CABLES1: variants seen among roughly 807,000 people sequenced by gnomAD.
The protein encoded by CABLES1 is Cdk5 and Abl enzyme substrate 1, also known as CDK5 and ABL1 enzyme substrate 1.
A neutral mutation model predicts 57.8 loss-of-function variants in CABLES1; 36 were observed. The ratio of observed to expected loss-of-function variants is 0.62; its 90% CI spans 0.48 to 0.82. The LOEUF is 0.82. Ranked by LOEUF, CABLES1 falls within the 40% of genes least tolerant of loss-of-function variation. The pLI, the probability that CABLES1 is intolerant of heterozygous loss-of-function variation, is 0.00. For missense variants in CABLES1, 767 were observed against 836.6 expected (o/e 0.92, Z 1.03); for synonymous variants, 374 against 363.0 (o/e 1.03, Z -0.35).
rs79444009 is a variant in CABLES1, at chr18:23,187,361, A to G, written c.846-1477A>G. Among the ~76,000 whole-genome samples, 1,285 of 152,302 alleles carry G rather than the reference A, an allele frequency of 8.4e-3. 10 individuals carry two copies. Among genetic ancestry groups the G allele is most frequent in the Middle Eastern group, 0.024 (7 of 294 alleles). ...AGAGTGTTCTATGTTCTGCTGTTTT[A>G]CAGTTGGAGAAGAGACAAGGAGGCT... On this transcript the variant is annotated intron_variant, in intron 1 of 9. Coordinates refer to ENST00000256925, the MANE Select transcript of CABLES1 (RefSeq NM_001100619.3).
intron 4 of CABLES1, among the ~76,000 whole-genome samples, chr18:23,232,336 G>A (rs1190157538): frequency 6.6e-6 from 1 of 152,232 alleles, no homozygotes; most frequent in Non-Finnish European, 1.5e-5. Flanking sequence ...CTTTGGAAAA[G>A]TAGGAAGCCC....
intron 1 of CABLES1, among the ~76,000 whole-genome samples, chr18:23,142,819 G>A (rs1198977226): frequency 1.3e-5 from 2 of 152,178 alleles, no homozygotes; most frequent in African/African-American, 4.8e-5. Context: ...GGGGAGGGGT[G>A]CAGGGACGTT....
intron 1 of CABLES1, among the ~76,000 whole-genome samples, chr18:23,181,604 A>G (rs1240703150): frequency 6.7e-6 from 1 of 150,142 alleles, no homozygotes; most frequent in Non-Finnish European, 1.5e-5. Context: ...GGAAAAGTCC[A>G]GGAATACCCA....
intron 7 of CABLES1, 91 bp from the exon 8 acceptor site, chr18:23,252,869 T>G: frequency 1.3e-6 from 1 of 796,342 alleles, no homozygotes; most frequent in Non-Finnish European, 2.1e-6. Context: ...GCTCATGGCT[T>G]TGGGAGTTGT....
At chr18:23,241,781 A>AT (rs2145097613) in intron 7 of CABLES1, among the ~76,000 whole-genome samples, 1 of 152,324 alleles carries the variant, frequency 6.6e-6, no homozygotes, top group Non-Finnish European at 1.5e-5. Context: ...TAAGTGTAAT[A>AT]TAAAAAGGCC....
chr18:23,186,763 A>G (rs1292537883), intron 1 of CABLES1, among the ~76,000 whole-genome samples: 1 of 152,094 alleles, frequency 6.6e-6, no homozygotes, highest in Non-Finnish European at 1.5e-5. Flanking sequence ...TTTGGACCCC[A>G]GGATTGCAAT....
chr18:23,244,220 G>C lies in CABLES1; in HGVS notation c.1446+6975G>C, dbSNP rs187625287. ...CAAGTGGATGGAGACACTACTCCAG[G>C]AGTCCTGTAGCACCAGATAAATAGT... is the stretch of plus-strand genomic sequence containing the variant. On this transcript the variant is annotated intron_variant, in intron 7 of 9. Coordinates refer to ENST00000256925, the MANE Select transcript of CABLES1 (RefSeq NM_001100619.3). 1.2e-3 allele frequency among the ~76,000 whole-genome samples: 189 copies of C among 152,326 alleles called. 1 individual carries two copies. Among genetic ancestry groups the C allele is most frequent in the Admixed American group, 2.5e-3 (38 of 15,302 alleles).
intron 1 of CABLES1, among the ~76,000 whole-genome samples, chr18:23,183,594 A>C (rs1287839125): frequency 6.6e-6 from 1 of 152,214 alleles, no homozygotes; most frequent in Non-Finnish European, 1.5e-5. Flanking sequence ...CTGTCAGACA[A>C]GTCTGGGAGC....
intron 1 of CABLES1, among the ~76,000 whole-genome samples, chr18:23,172,905 T>TA (rs1231640516): frequency 6.6e-6 from 1 of 152,202 alleles, no homozygotes; most frequent in Non-Finnish European, 1.5e-5. Context: ...CGGATTGGGG[T>TA]ATTGTCTTCC....
chr18:23,251,525 G>A (rs971688699), intron 7 of CABLES1, among the ~76,000 whole-genome samples: 15 of 152,120 alleles, frequency 9.9e-5, no homozygotes, highest in African/African-American at 3.6e-4. Context: ...CTCTCGAGGA[G>A]GGATGAGATG....
At chr18:23,236,978 A>G (rs1966657) in intron 6 of CABLES1, among the ~76,000 whole-genome samples, 164 bp from the exon 7 acceptor site, 30,321 of 152,158 alleles carry the variant, frequency 0.2, 3,507 homozygotes, top group Middle Eastern at 0.27. Flanking sequence ...TCACTGGCAC[A>G]CGGAGATGTC....
chr18:23,217,513 A>T (rs1419458569), intron 4 of CABLES1, among the ~76,000 whole-genome samples: 1 of 152,210 alleles, frequency 6.6e-6, no homozygotes, highest in African/African-American at 2.4e-5. Context: ...ACAATTCCAA[A>T]TATTGTGATG....
At chr18:23,182,710 C>G (rs2047175881) in intron 1 of CABLES1, among the ~76,000 whole-genome samples, 1 of 152,242 alleles carries the variant, frequency 6.6e-6, no homozygotes, top group Non-Finnish European at 1.5e-5. Flanking sequence ...TGGGCTGGTC[C>G]TAACTCTCGG....
intron 7 of CABLES1, among the ~76,000 whole-genome samples, chr18:23,251,390 G>T (rs1357474786): frequency 6.6e-6 from 1 of 152,154 alleles, no homozygotes; most frequent in Non-Finnish European, 1.5e-5. Flanking sequence ...GGCGGAGGTT[G>T]CAGTGAGCCG....
At chr18:23,238,052 C>T (rs749432858) in intron 7 of CABLES1, among the ~76,000 whole-genome samples, 1 of 152,280 alleles carries the variant, frequency 6.6e-6, no homozygotes, top group Non-Finnish European at 1.5e-5. Flanking sequence ...TGTCCTGGCC[C>T]ATGAGCCGGG....
intron 3 of CABLES1, among the ~76,000 whole-genome samples, chr18:23,208,139 C>T (rs1344366985): frequency 2.6e-5 from 4 of 152,156 alleles, no homozygotes; most frequent in African/African-American, 4.8e-5. Context: ...TTCTTGTCCA[C>T]GGGACCCCTT....
At chr18:23,203,458 TAAAAAA>T (rs10617500) in intron 3 of CABLES1, among the ~76,000 whole-genome samples, 1 of 140,512 alleles carries the variant, frequency 7.1e-6, no homozygotes, top group African/African-American at 2.6e-5. Context: ...TAGGATATGT[TAAAAAA>T]AAAAAAAAGA....
intron 1 of CABLES1, among the ~76,000 whole-genome samples, chr18:23,177,598 G>T (rs532383130): frequency 6.6e-6 from 1 of 152,072 alleles, no homozygotes; most frequent in South Asian, 2.1e-4. Context: ...CCTGGTTCCC[G>T]CTGGGCTCTT....
intron 7 of CABLES1, among the ~76,000 whole-genome samples, chr18:23,237,935 A>C (rs1740543709): frequency 6.7e-6 from 1 of 150,180 alleles, no homozygotes; most frequent in South Asian, 2.1e-4. Context: ...CTGTGGGAGG[A>C]GGGGGAGCTG....
Sources: allele counts gnomAD v4.1 joint callset (sites outside exome capture counted in the v4.1 genomes callset), GRCh38; gene constraint gnomAD v4.1.1; transcripts MANE v1.5; gene names NCBI Gene and HGNC (gene_info 2026-07-23, HGNC 2026-07-21).